Variants in SLC4A7 observed in about 807,000 individuals in gnomAD.
The protein encoded by SLC4A7 is solute carrier family 4 member 7, also known as sodium bicarbonate cotransporter 3.
A neutral mutation model predicts 137.6 loss-of-function variants in SLC4A7; 51 were observed. The ratio of observed to expected loss-of-function variants is 0.37; its 90% CI spans 0.30 to 0.47. SLC4A7 has a LOEUF of 0.47. SLC4A7 is among the 20% of genes least tolerant of loss of function. The probability of loss-of-function intolerance (pLI) is 1.00; values close to 1 mark genes in which losing one functional copy is unlikely to be tolerated. For synonymous variants in SLC4A7, 542 were observed against 518.6 expected (o/e 1.05, Z -0.61); for missense variants, 1,247 against 1,525.4 (o/e 0.82, Z 3.04).
At chr3:27,384,081 G>A (rs1283388013) in intron 23 of SLC4A7, among the ~76,000 whole-genome samples, 3 of 152,128 alleles carry the variant, frequency 2.0e-5, no homozygotes, top group Non-Finnish European at 2.9e-5. Context: ...TAGGACAGTA[G>A]AGGAGACACT....
Position 27,373,063 on chromosome 3 carries a change from T to C in SLC4A7, c.*3701A>G, listed in dbSNP as rs1002712359. 5.6e-5 allele frequency: 5 copies of C among 89,264 alleles called. No homozygotes were observed. The highest frequency in any genetic ancestry group is 1.2e-4 in the Non-Finnish European group (5 of 42,814). 5.5% of individuals were successfully genotyped at this position (89,264 alleles called of 1,614,324 possible). A position where few individuals can be genotyped will look rare whatever the true frequency, so the allele number is the denominator to read the frequency against. ...AAACATTGGAAGACAATCTCCCCCA[T>C]GGGGAAGAAAAAAAAAAAAAACCTT... is the stretch of plus-strand genomic sequence containing the variant. On this transcript the variant is annotated 3_prime_UTR_variant, in exon 26 of 26. Coordinates refer to ENST00000454389, the MANE Select transcript of SLC4A7 (RefSeq NM_001321103.2).
chr3:27,460,296 A>G (rs1448730615), intron 1 of SLC4A7, among the ~76,000 whole-genome samples: 1 of 152,132 alleles, frequency 6.6e-6, no homozygotes, highest in Non-Finnish European at 1.5e-5. Flanking sequence ...TGGGCCTCCC[A>G]AAATGCTGGG....
intron 7 of SLC4A7, among the ~76,000 whole-genome samples, chr3:27,425,745 G>A (rs990448032): frequency 2.0e-5 from 3 of 149,766 alleles, no homozygotes; most frequent in African/African-American, 7.4e-5. Context: ...CTACTACTAG[G>A]TTGGTGCAAT....
rs2052966797 is a variant in SLC4A7 at position 27,403,213 on chromosome 3, C to T, written c.2247G>A (p.Leu749=). 6.2e-7 allele frequency: 1 copy of T among 1,613,868 alleles called. No individual in the cohort carries two copies. The highest frequency in any genetic ancestry group is 2.2e-5 in the East Asian group (1 of 44,824). ...TTTCTCCTAAATCAAAGAGCTTCTCCAAAGCCTCGTAGATGAATATGATGC... is the reference window on the plus strand; with the variant it reads ...TTTCTCCTAAATCAAAGAGCTTCTCTAAAGCCTCGTAGATGAATATGATGC... ...LICIIFIYEA[L]EKLFDLGETY... The change falls in exon 15 of 26, where the codon TTG becomes TTA. Residue 749 remains leucine, a synonymous_variant. Transcript: ENST00000454389.
chr3:27,420,748 T>C lies in SLC4A7; in HGVS notation c.1464A>G (p.Pro488=). ...TTGATCGTCCAATTTCATGGTACTG[T>C]GGTGCCTTGCCCGCTGGACCCAATA... ...FLLLGPAGKA[P]QYHEIGRSIA... is the part of the protein sequence containing the mutation. Residue 488 remains proline (P), a synonymous_variant, in exon 10 of 26, where the codon CCA becomes CCG. Coordinates refer to ENST00000454389, the MANE Select transcript of SLC4A7 (RefSeq NM_001321103.2). 1 of 1,613,758 alleles carries C rather than the reference T, an allele frequency of 6.2e-7. No homozygotes were observed. The highest frequency in any genetic ancestry group is 8.5e-7 in the Non-Finnish European group (1 of 1,179,790).
At chr3:27,452,293 G>A (rs2058125283) in intron 2 of SLC4A7, 124 bp downstream of exon 2, 5 of 625,960 alleles carry the variant, frequency 8.0e-6, no homozygotes, top group Non-Finnish European at 1.1e-5. Flanking sequence ...CTCAATGTAC[G>A]CTTTACCTTA....
intron 25 of SLC4A7, among the ~76,000 whole-genome samples, chr3:27,378,154 GA>G (rs1379210374): frequency 6.6e-6 from 1 of 152,122 alleles, no homozygotes; most frequent in African/African-American, 2.4e-5. Context: ...CAGAAGAAAG[GA>G]AACAGCCAGC....
At chr3:27,389,309 G>C (rs942488939) in intron 22 of SLC4A7, among the ~76,000 whole-genome samples, 1 of 151,892 alleles carries the variant, frequency 6.6e-6, no homozygotes, top group Non-Finnish European at 1.5e-5. Context: ...AAATATTTAA[G>C]ATTATTTTAG....
rs568739204 is a variant in SLC4A7 at position 27,431,468 on chromosome 3, C to T, written c.980G>A (p.Arg327His). ...NSPPSSPSIS[R>H]LTSRSSQESQ... ...CTCTTGGGAACTTCTGGAGGTCAGG[C>T]GGCTGATGCTAGGGCTAGAAGGAGG... Residue 327 changes from arginine (R) to histidine (H), a missense_variant, in exon 7 of 26, where the codon CGC becomes CAC. Physicochemically the swap from Arg to His is conservative, Grantham distance 29 (BLOSUM62 0). Coordinates refer to ENST00000454389, the MANE Select transcript of SLC4A7 (RefSeq NM_001321103.2). The T allele has an allele frequency of 9.9e-6, 16 of 1,613,774 alleles. No homozygotes were observed. In the East Asian group the frequency reaches 1.3e-4, roughly 13 times the overall value.
chr3:27,377,696 C>A (rs1196507687), intron 25 of SLC4A7, among the ~76,000 whole-genome samples: 1 of 152,102 alleles, frequency 6.6e-6, no homozygotes, highest in Non-Finnish European at 1.5e-5. Flanking sequence ...CCCGGCCAAC[C>A]TATTCTATAT....
chr3:27,372,883 A>T lies in SLC4A7; in HGVS notation c.*3881T>A, dbSNP rs1296319727. 6.6e-6 allele frequency: 1 copy of T among 152,626 alleles called. No homozygotes were observed. The highest frequency in any genetic ancestry group is 2.4e-5 in the African/African-American group (1 of 41,470). 9.5% of individuals were successfully genotyped at this position (152,626 alleles called of 1,614,324 possible). ...ATAAATGAAAAATATCAGTTCTACA[A>T]TTTAAATGTTTACTTTGGATTTTAT... On this transcript the variant is annotated 3_prime_UTR_variant, in exon 26 of 26. Transcript: ENST00000454389.
Position 27,394,645 on chromosome 3 carries a change from T to G in SLC4A7, c.2990A>C (p.Lys997Thr). The G allele has an allele frequency of 1.2e-6, 2 of 1,614,148 alleles. No homozygotes were observed. The highest frequency in any genetic ancestry group is 1.7e-6 in the Non-Finnish European group (2 of 1,180,016). The change falls in exon 20 of 26, where the codon AAA (lysine) becomes ACA (threonine). Residue 997 changes from lysine to threonine, a missense_variant. Coordinates refer to ENST00000454389, the MANE Select transcript of SLC4A7 (RefSeq NM_001321103.2). Reference protein sequence around the residue: ...VLSISHVNSLKVESECSAPGE... With the variant: ...VLSISHVNSLTVESECSAPGE... ...TGGAGCAGAACATTCAGATTCAACT[T>G]TTAAGCTGTTGACATGACTTATTGA...
intron 1 of SLC4A7, among the ~76,000 whole-genome samples, chr3:27,458,506 C>G (rs1206516035): frequency 6.6e-6 from 1 of 152,154 alleles, no homozygotes. Flanking sequence ...CCCAATAACA[C>G]CAACAGCTAA....
At chr3:27,453,557 G>C (rs1202000825) in intron 1 of SLC4A7, among the ~76,000 whole-genome samples, 2 of 152,228 alleles carry the variant, frequency 1.3e-5, no homozygotes, top group Non-Finnish European at 2.9e-5. Context: ...AGGTATTGGT[G>C]AGCCAAGATC....
At position 27,431,943 on chromosome 3, in the gene SLC4A7, T is replaced by C. The variant is rs146562193; in HGVS notation, c.779-274A>G. 3.1e-3 allele frequency among the ~76,000 whole-genome samples: 474 copies of C among 152,236 alleles called. 4 individuals carry two copies. Among genetic ancestry groups the C allele is most frequent in the African/African-American group, 0.011 (460 of 41,546 alleles). ...TCCTGTTAGAAATTAGAATGACCAATAGCATGGCATTTTTAAAAAGGACAA... is the reference window on the plus strand; with the variant it reads ...TCCTGTTAGAAATTAGAATGACCAACAGCATGGCATTTTTAAAAAGGACAA... On this transcript the variant is annotated intron_variant, in intron 6 of 25. Coordinates refer to ENST00000454389, the MANE Select transcript of SLC4A7 (RefSeq NM_001321103.2).
At chr3:27,465,801 A>G (rs900941258) in intron 1 of SLC4A7, among the ~76,000 whole-genome samples, 2 of 151,500 alleles carry the variant, frequency 1.3e-5, no homozygotes, top group Admixed American at 1.3e-4. Flanking sequence ...AAAAATACAA[A>G]AAATTAGCCA....
Position 27,448,787 on chromosome 3 carries a change from A to G in SLC4A7, c.153T>C (p.Ala51=). ...FEKEELESHR[A]VYIGVHVPFS... is the part of the protein sequence containing the mutation. The stretch of plus-strand genomic sequence containing the variant: ...ACGGGACGTGAACACCAATATATAC[A>G]GCTCTATGACCTATTAAAAGGTTCA... The change falls in exon 3 of 26, where the codon GCT becomes GCC. Residue 51 remains alanine, a synonymous_variant. Coordinates refer to ENST00000454389, the MANE Select transcript of SLC4A7 (RefSeq NM_001321103.2). 2 of 1,608,786 alleles carry G rather than the reference A, an allele frequency of 1.2e-6. No homozygotes were observed. Among genetic ancestry groups the G allele is most frequent in the Non-Finnish European group, 1.7e-6 (2 of 1,177,698 alleles).
chr3:27,451,956 G>A (rs1024610742), intron 2 of SLC4A7, among the ~76,000 whole-genome samples: 1 of 152,112 alleles, frequency 6.6e-6, no homozygotes, highest in African/African-American at 2.4e-5. Flanking sequence ...ACTTCTTCCT[G>A]TCTAAGGAAG....
Position 27,451,109 on chromosome 3 carries a change from A to T in SLC4A7, c.142+1308T>A, listed in dbSNP as rs146215419. Reference sequence around the variant, plus strand: ...GAGGTTCTTTTTGGAAACCCTAACAAGCCTAGGCTCTTAAAGCCAATTTTT... The same window carrying T: ...GAGGTTCTTTTTGGAAACCCTAACATGCCTAGGCTCTTAAAGCCAATTTTT... On this transcript the variant is annotated intron_variant, in intron 2 of 25. Transcript: ENST00000454389. 8.8e-3 allele frequency among the ~76,000 whole-genome samples: 1,334 copies of T among 152,040 alleles called. 25 individuals are homozygous for T. Among genetic ancestry groups the T allele is most frequent in the Admixed American group, 0.041 (626 of 15,258 alleles).
Sources: allele counts gnomAD v4.1 joint callset (sites outside exome capture counted in the v4.1 genomes callset), GRCh38; gene constraint gnomAD v4.1.1; transcripts MANE v1.5; gene names NCBI Gene and HGNC (gene_info 2026-07-23, HGNC 2026-07-21).